NAV2: variants seen among roughly 807,000 people sequenced by gnomAD.
NAV2 encodes neuron navigator 2, also known as helicase, APC down-regulated 1.
In NAV2, 54 loss-of-function variants were observed where a neutral mutation model predicts 223.2. The ratio of observed to expected loss-of-function variants is 0.24; its 90% confidence interval spans 0.19 to 0.30. NAV2 has a LOEUF of 0.30. NAV2 is among the 10% of genes least tolerant of loss of function. The probability of loss-of-function intolerance (pLI) is 1.00; values close to 1 mark genes in which losing one functional copy is unlikely to be tolerated. For synonymous variants in NAV2, 1,279 were observed against 1,239.3 expected, an observed-to-expected ratio of 1.03 and a Z score of -0.67; for missense variants, 2,806 against 3,147.5, an observed-to-expected ratio of 0.89 and a Z score of 2.60.
At chr11:20,105,990 G>A (rs1324560227) in intron 35 of NAV2, among the ~76,000 whole-genome samples, 1 of 151,446 alleles carries the variant, frequency 6.6e-6, no homozygotes, top group Non-Finnish European at 1.5e-5. Flanking sequence ...CCCCCAAGCT[G>A]AAGCTACCCT....
At chr11:19,590,500 TG>T (rs1217612794) in intron 1 of NAV2, among the ~76,000 whole-genome samples, 1 of 152,172 alleles carries the variant, frequency 6.6e-6, no homozygotes, top group African/African-American at 2.4e-5. Flanking sequence ...TAAAAGCAAT[TG>T]TCCCAGAGGA....
chr11:19,427,765 G>A (rs534991497), intron 1 of NAV2, among the ~76,000 whole-genome samples: 1 of 152,176 alleles, frequency 6.6e-6, no homozygotes, highest in Non-Finnish European at 1.5e-5. Flanking sequence ...TAAATTATGA[G>A]TGAAGCCGAA....
chr11:19,936,930 G>C (rs942696970), intron 7 of NAV2, among the ~76,000 whole-genome samples: 4 of 152,112 alleles, frequency 2.6e-5, no homozygotes, highest in Non-Finnish European at 4.4e-5. Context: ...TTGAGGTCAG[G>C]GGTTCAAGAC....
At chr11:19,605,056 T>C (rs1354130510) in intron 1 of NAV2, among the ~76,000 whole-genome samples, 1 of 152,160 alleles carries the variant, frequency 6.6e-6, no homozygotes, top group Non-Finnish European at 1.5e-5. Flanking sequence ...AATGGACTAA[T>C]ACATTGGTTA....
intron 1 of NAV2, among the ~76,000 whole-genome samples, chr11:19,577,478 C>T (rs892664591): frequency 5.9e-5 from 9 of 152,246 alleles, no homozygotes; most frequent in Non-Finnish European, 1.3e-4. Context: ...GGGCCCTGAC[C>T]CCGGCTCCTC....
At chr11:19,408,375 C>G (rs1451049878) in intron 1 of NAV2, among the ~76,000 whole-genome samples, 1 of 152,128 alleles carries the variant, frequency 6.6e-6, no homozygotes, top group African/African-American at 2.4e-5. Context: ...ATATTCTGAA[C>G]CTTGGTTACA....
intron 1 of NAV2, among the ~76,000 whole-genome samples, chr11:19,405,288 AG>A (rs1160417595): frequency 2.0e-5 from 3 of 152,182 alleles, no homozygotes; most frequent in African/African-American, 4.8e-5. Flanking sequence ...CAAATAGGGA[AG>A]CAGATGTTTG....
At chr11:19,471,385 A>G (rs1697363934) in intron 1 of NAV2, among the ~76,000 whole-genome samples, 1 of 152,210 alleles carries the variant, frequency 6.6e-6, no homozygotes, top group African/African-American at 2.4e-5. Context: ...CTCAGTGCCC[A>G]ACATATAGCA....
chr11:19,993,570 GT>G (rs530484496), intron 11 of NAV2, among the ~76,000 whole-genome samples: 51 of 152,204 alleles, frequency 3.4e-4, no homozygotes, highest in African/African-American at 9.9e-4. Context: ...TGTGCTTGAT[GT>G]TTCCCCCCTC....
chr11:19,805,085 C>T (rs1012165780), intron 1 of NAV2, among the ~76,000 whole-genome samples: 2 of 152,148 alleles, frequency 1.3e-5, no homozygotes, highest in South Asian at 4.2e-4. Flanking sequence ...GGAATGGTTT[C>T]GTGGCAGGGG....
rs2047141666 is a variant in NAV2, at chr11:19,948,729, A to T, written c.2294A>T (p.Glu765Val). The T allele has an allele frequency of 2.5e-6, 4 of 1,598,590 alleles. No individual in the cohort carries two copies. The highest frequency in any genetic ancestry group is 3.4e-6 in the Non-Finnish European group (4 of 1,168,586). ...ETTFDTNVTT[E>V]MSGRSILSLT... Reference sequence around the variant, plus strand: ...ACGTTTGACACCAATGTCACCACGGAGATGAGTGGCCGTAGCATACTCAGC... The same window carrying T: ...ACGTTTGACACCAATGTCACCACGGTGATGAGTGGCCGTAGCATACTCAGC... The change falls in exon 10 of 38, where the codon GAG becomes GTG. Residue 765 changes from glutamate to valine, a missense_variant. By Grantham distance (121) the Glu-to-Val change is moderately radical. Around this residue, in one of 4 missense-constraint regions of NAV2, gnomAD observed 1,167 missense variants for 1,180.5 expected, o/e 0.99. Transcript: ENST00000349880.
chr11:19,781,130 C>T (rs1030650679), intron 1 of NAV2, among the ~76,000 whole-genome samples: 2 of 152,146 alleles, frequency 1.3e-5, no homozygotes, highest in South Asian at 2.1e-4. Flanking sequence ...GAAATTAAGG[C>T]TCAGAGAGTT....
At chr11:19,625,677 A>C (rs1206937065) in intron 1 of NAV2, among the ~76,000 whole-genome samples, 1 of 152,152 alleles carries the variant, frequency 6.6e-6, no homozygotes, top group Non-Finnish European at 1.5e-5. Flanking sequence ...AAAATGTATG[A>C]GTTCCCTTTT....
chr11:19,754,330 G>A lies in NAV2; in HGVS notation c.267+40368G>A, dbSNP rs181830335. On this transcript the variant is annotated intron_variant, in intron 1 of 37. Transcript: ENST00000349880. ...GGTGCCTGTTACATGGGAACACACT[G>A]CACAAAGTTGGGAGAAGGGAAGATC... 5.1e-3 allele frequency among the ~76,000 whole-genome samples: 773 copies of A among 152,276 alleles called. 3 individuals carry two copies. The highest frequency in any genetic ancestry group is 0.027 in the Middle Eastern group (8 of 294).
intron 1 of NAV2, among the ~76,000 whole-genome samples, chr11:19,403,445 G>A (rs1849768274): frequency 6.6e-6 from 1 of 152,198 alleles, no homozygotes; most frequent in African/African-American, 2.4e-5. Context: ...AGAGAAGGGG[G>A]CTTTGAACAA....
chr11:19,420,187 C>A (rs149442875), intron 1 of NAV2, among the ~76,000 whole-genome samples: 8 of 152,168 alleles, frequency 5.3e-5, no homozygotes, highest in African/African-American at 1.7e-4. Context: ...TTAGTAGTGA[C>A]GTTAGCCTAT....
At position 20,097,587 on chromosome 11, in the gene NAV2, T is replaced by G. The variant is rs971873805; in HGVS notation, c.6023T>G (p.Ile2008Ser). 1 of 1,592,426 alleles carries G rather than the reference T, an allele frequency of 6.3e-7. No individual in the cohort carries two copies. Among genetic ancestry groups the G allele is most frequent in the Non-Finnish European group, 8.5e-7 (1 of 1,173,244 alleles). The change falls in exon 31 of 38, where the codon ATT (isoleucine) becomes AGT (serine). Residue 2008 changes from isoleucine (I) to serine (S), a missense_variant. This residue lies in a region of NAV2 where 824 missense variants were observed against 1,069.4 expected (regional missense o/e 0.77). Transcript: ENST00000349880. ...VVRRLFKEYI[I>S]HVDPVSQLGL... ...TTTTATTTTTTCCAGGAATACATCA[T>G]TCATGTCGACCCAGTGAGTCAGCTA... is the stretch of plus-strand genomic sequence containing the variant.
chr11:20,041,916 T>C (rs2056952497), intron 12 of NAV2, among the ~76,000 whole-genome samples: 1 of 152,234 alleles, frequency 6.6e-6, no homozygotes, highest in South Asian at 2.1e-4. Flanking sequence ...TCAATGTCTA[T>C]ATTTATTTCT....
intron 1 of NAV2, among the ~76,000 whole-genome samples, chr11:19,430,400 C>T (rs1850998900): frequency 1.3e-5 from 2 of 152,210 alleles, no homozygotes; most frequent in Non-Finnish European, 1.5e-5. Context: ...CGCATAGCCT[C>T]CTCAGGCTGG....
Sources: gnomAD v4.1 joint callset for allele counts (sites outside exome capture counted in the v4.1 genomes callset) on GRCh38, gnomAD v4.1.1 for gene constraint, gnomAD v4.1.1 regional missense constraint, MANE v1.5 for transcripts, NCBI Gene and HGNC (gene_info 2026-07-23, HGNC 2026-07-21) for gene names.